Variants in UNC5A observed in about 807,000 individuals in gnomAD.
The protein encoded by UNC5A is unc-5 netrin receptor A.
A neutral mutation model predicts 87.4 loss-of-function variants in UNC5A; 20 were observed. That is an observed-to-expected ratio of 0.23 (90% confidence interval 0.16 to 0.33). UNC5A has a LOEUF of 0.33. UNC5A is among the 10% of genes least tolerant of loss of function. The pLI, the probability that UNC5A is intolerant of heterozygous loss-of-function variation, is 1.00. For missense variants in UNC5A, 844 were observed against 1,133.4 expected, an observed-to-expected ratio of 0.74 and a Z score of 3.67; for synonymous variants, 438 against 482.3, an observed-to-expected ratio of 0.91 and a Z score of 1.20.
At chr5:176,860,382 G>T (rs1378804246) in intron 1 of UNC5A, among the ~76,000 whole-genome samples, 1 of 152,192 alleles carries the variant, frequency 6.6e-6, no homozygotes, top group Non-Finnish European at 1.5e-5. Flanking sequence ...CCACTCCAGG[G>T]TTCACACTCC....
At position 176,869,051 on chromosome 5, in the gene UNC5A, A is replaced by G. The variant is rs996774049; in HGVS notation, c.721+87A>G. 6.3e-6 allele frequency: 9 copies of G among 1,430,420 alleles called. No individual in the cohort carries two copies. The East Asian group carries it at 1.4e-4, about 23-fold the overall frequency. 88.6% of individuals were successfully genotyped at this position (1,430,420 alleles called of 1,614,324 possible). ...GTGGCTGGTGGGGTGAAGAGAGGCC[A>G]TGAGGCCAAAGCCAGGTGGACCAGA... On this transcript the variant is annotated intron_variant, in intron 5 of 14. Coordinates refer to ENST00000329542, the MANE Select transcript of UNC5A (RefSeq NM_133369.3). This position sits in a 1 kb window ranked among gnomAD's most constrained non-coding sequence, Gnocchi z 9.1.
Position 176,879,979 on chromosome 5 carries a change from A to AG in UNC5A, c.*94dup. ...ACAGGGGCCCTTCCCCACACCGGGG[A>AG]GAGCTGCTCGGACAGGCCCCCTCCC... is the stretch of plus-strand genomic sequence containing the variant. On this transcript the variant is annotated 3_prime_UTR_variant, in exon 15 of 15. Transcript: ENST00000329542. 1 of 1,461,506 alleles carries AG rather than the reference A, an allele frequency of 6.8e-7. No individual in the cohort carries two copies. The highest frequency in any genetic ancestry group is 2.2e-5 in the Admixed American group (1 of 44,758). The allele number at this position is 1,461,506 out of a possible 1,614,324, so 90.5% of individuals were successfully genotyped here.
In UNC5A at chr5:176,862,883, G is replaced by A. The variant is rs767011487; in HGVS notation, c.292+38G>A. 1.9e-6 allele frequency: 3 copies of A among 1,607,938 alleles called. No homozygotes were observed. In the East Asian group the frequency reaches 6.7e-5, roughly 36 times the overall value. On this transcript the variant is annotated intron_variant, in intron 2 of 14. Coordinates refer to ENST00000329542, the MANE Select transcript of UNC5A (RefSeq NM_133369.3). ...GGGCGCCAGGCAGGGCCAATCCGGG[G>A]GAGGCGAGTTTCGGCCCCCCCAGAG...
chr5:176,877,713 G>C lies in UNC5A; in HGVS notation c.1635+10G>C. ...CGAGGGCAGCTGGGAGGTGAGCAGG[G>C]AACTGACCCGGGCTCCAGAAGGGAA... On this transcript the variant is annotated intron_variant, in intron 10 of 14. Coordinates refer to ENST00000329542, the MANE Select transcript of UNC5A (RefSeq NM_133369.3). 4.4e-6 allele frequency: 7 copies of C among 1,584,550 alleles called. No individual in the cohort carries two copies. Among genetic ancestry groups the C allele is most frequent in the Non-Finnish European group, 6.0e-6 (7 of 1,162,222 alleles).
intron 1 of UNC5A, among the ~76,000 whole-genome samples, chr5:176,831,883 CTCTTTTTTTTTTTTTTT>C (rs1251838378): frequency 1.6e-4 from 19 of 115,312 alleles, no homozygotes; most frequent in Non-Finnish European, 3.4e-5. Context: ...CTTTCTCTCT[CTCTTTTTTTTTTTTTTT>C]TTTTTTTTTT....
intron 2 of UNC5A, among the ~76,000 whole-genome samples, chr5:176,864,629 C>A (rs150309912): frequency 1.3e-5 from 2 of 152,338 alleles, no homozygotes; most frequent in Non-Finnish European, 2.9e-5. Context: ...CACACACCAC[C>A]CCTCCGTGAG....
intron 1 of UNC5A, among the ~76,000 whole-genome samples, chr5:176,822,629 C>T (rs955355232): frequency 5.4e-4 from 82 of 152,358 alleles, no homozygotes; most frequent in African/African-American, 1.9e-3. Flanking sequence ...AGAGCCCAGA[C>T]AGGCCCAACA....
In UNC5A at chr5:176,878,672, G is replaced by T. The variant is rs370668444; in HGVS notation, c.2184+33G>T. 1.9e-6 allele frequency: 3 copies of T among 1,591,888 alleles called. No homozygotes were observed. The African/African-American group carries it at 4.0e-5, about 21-fold the overall frequency. Reference sequence around the variant, plus strand: ...GGAGGGGCTGCCGCACCGCCGTGACGTGCTCCCACTACCAACTCCCCACCA... The same window carrying T: ...GGAGGGGCTGCCGCACCGCCGTGACTTGCTCCCACTACCAACTCCCCACCA... On this transcript the variant is annotated intron_variant, in intron 13 of 14. Coordinates refer to ENST00000329542, the MANE Select transcript of UNC5A (RefSeq NM_133369.3).
intron 1 of UNC5A, among the ~76,000 whole-genome samples, chr5:176,813,970 T>C (rs1308998550): frequency 6.6e-6 from 1 of 152,080 alleles, no homozygotes; most frequent in African/African-American, 2.4e-5. Context: ...CTCCTCCTAT[T>C]CTCCCAGCCT....
intron 1 of UNC5A, among the ~76,000 whole-genome samples, chr5:176,821,386 C>G (rs1188235507): frequency 2.0e-5 from 3 of 152,202 alleles, no homozygotes; most frequent in Non-Finnish European, 4.4e-5. Flanking sequence ...GATCACACAA[C>G]CAGAGGTCCA....
intron 1 of UNC5A, among the ~76,000 whole-genome samples, chr5:176,833,626 G>A (rs1019517461): frequency 6.6e-6 from 1 of 152,194 alleles, no homozygotes; most frequent in Non-Finnish European, 1.5e-5. Context: ...CTCCCTGACA[G>A]GTTCAAGCAT....
intron 1 of UNC5A, among the ~76,000 whole-genome samples, chr5:176,859,487 TG>T (rs1757773812): frequency 3.1e-5 from 4 of 131,104 alleles, no homozygotes; most frequent in Admixed American, 7.3e-5. Flanking sequence ...AGGGCATAGC[TG>T]CTAGAATGCC....
chr5:176,879,283 A>G lies in UNC5A; in HGVS notation c.2185-27A>G, dbSNP rs199789352. On this transcript the variant is annotated intron_variant, in intron 13 of 14. Coordinates refer to ENST00000329542, the MANE Select transcript of UNC5A (RefSeq NM_133369.3). ...ACCCGGGCCTGGGGAAAGTTCTAAC[A>G]GGCACCTCTTTCCCTCCCACCTCCA... 1.3e-3 allele frequency: 2,098 copies of G among 1,559,736 alleles called. 29 individuals carry two copies. The highest frequency in any genetic ancestry group is 3.0e-4 in the Non-Finnish European group (343 of 1,153,158).
intron 1 of UNC5A, among the ~76,000 whole-genome samples, chr5:176,861,163 G>A (rs12716318): frequency 0.66 from 99,740 of 152,128 alleles, 36,005 homozygotes; most frequent in Non-Finnish European, 0.81. Context: ...GAGGATGACC[G>A]AGCTGAGGGG....
chr5:176,864,336 G>C (rs1324055959), intron 2 of UNC5A, among the ~76,000 whole-genome samples: 1 of 152,186 alleles, frequency 6.6e-6, no homozygotes, highest in African/African-American at 2.4e-5. Flanking sequence ...ACTGCGCTAA[G>C]GGGCCCCTGG....
At chr5:176,845,216 G>A (rs115758842) in intron 1 of UNC5A, among the ~76,000 whole-genome samples, 300 of 152,186 alleles carry the variant, frequency 2.0e-3, no homozygotes, top group African/African-American at 6.9e-3. Context: ...CTCCTGTGAC[G>A]ATAGCCTCCA....
In UNC5A at chr5:176,874,501, G is replaced by A; in HGVS notation, c.1313G>A (p.Gly438Asp). ...TQNYFRSLPR[G>D]TSNMTYGTFN... Reference sequence around the variant, plus strand: ...AACTACTTCCGCTCCCTGCCCCGAGGCACCAGCAACATGACCTATGGGACC... The same window carrying A: ...AACTACTTCCGCTCCCTGCCCCGAGACACCAGCAACATGACCTATGGGACC... The change falls in exon 8 of 15, where the codon GGC becomes GAC. Residue 438 changes from glycine to aspartate, a missense_variant. Physicochemically the swap from Gly to Asp is moderately conservative, Grantham distance 94. Transcript: ENST00000329542. The surrounding 1 kb of genome is among the most constrained non-coding windows in gnomAD (Gnocchi z 7.6). 6.2e-7 allele frequency: 1 copy of A among 1,609,318 alleles called. No homozygotes were observed. The highest frequency in any genetic ancestry group is 8.5e-7 in the Non-Finnish European group (1 of 1,177,328).
chr5:176,852,524 T>G (rs916983631), intron 1 of UNC5A, among the ~76,000 whole-genome samples: 6 of 152,212 alleles, frequency 3.9e-5, no homozygotes, highest in Admixed American at 1.3e-4. Context: ...GCTTATTAAG[T>G]TCTAACCAGC....
rs758190370 is a variant in UNC5A, at chr5:176,865,695, A to T, written c.293-2435A>T. On this transcript the variant is annotated intron_variant, in intron 2 of 14. Coordinates refer to ENST00000329542, the MANE Select transcript of UNC5A (RefSeq NM_133369.3). The surrounding 1 kb of genome is among the most constrained non-coding windows in gnomAD (Gnocchi z 5.3). Reference sequence around the variant, plus strand: ...ACGCCGCCAAAGACCAAAGACCCCAAACCAGAAACGTTCTGTGGTCAGACA... The same window carrying T: ...ACGCCGCCAAAGACCAAAGACCCCATACCAGAAACGTTCTGTGGTCAGACA... 2 of 456,578 alleles carry T rather than the reference A, an allele frequency of 4.4e-6. No homozygotes were observed. 28.3% of individuals were successfully genotyped at this position (456,578 alleles called of 1,614,324 possible).
Sources: gnomAD v4.1 joint callset for allele counts (sites outside exome capture counted in the v4.1 genomes callset) on GRCh38, gnomAD v4.1.1 for gene constraint, Gnocchi (gnomAD v3.1) non-coding constraint, MANE v1.5 for transcripts, NCBI Gene and HGNC (gene_info 2026-07-23, HGNC 2026-07-21) for gene names.